The following GCAT variants were observed in gnomAD, a reference collection of about 807,000 sequenced individuals.
GCAT encodes glycine C-acetyltransferase, also known as 2-amino-3-ketobutyrate coenzyme A ligase, mitochondrial.
Under a neutral mutation model 39.7 loss-of-function variants are expected in GCAT, and 26 were observed. The ratio of observed to expected loss-of-function variants is 0.65; its 90% CI spans 0.48 to 0.91. GCAT has a LOEUF of 0.91. Among genes scored for constraint, GCAT ranks in the 40% least tolerant of loss-of-function variants. The pLI is 0.00. For synonymous variants in GCAT, 218 were observed against 237.2 expected (o/e 0.92, Z 0.74); for missense variants, 550 against 576.2 (o/e 0.95, Z 0.47).
intron 1 of GCAT, 129 bp downstream of exon 1, chr22:37,808,292 C>CT (rs1921199242): frequency 1.5e-6 from 1 of 684,470 alleles, no homozygotes. Flanking sequence ...CTCAGGGCGA[C>CT]TTTATGGCTT....
chr22:37,809,939 A>G (rs1389869078), intron 1 of GCAT, 88 bp from the exon 2 acceptor site: 7 of 1,559,052 alleles, frequency 4.5e-6, no homozygotes, highest in Non-Finnish European at 6.1e-6. Context: ...TTTCTGGACC[A>G]TTTCCCCAGG....
rs777361258 is a variant in GCAT, at chr22:37,808,162, A to G, written c.195A>G (p.Gly65=). 3 of 1,492,876 alleles carry G rather than the reference A, an allele frequency of 2.0e-6. No individual in the cohort carries two copies. The highest frequency in any genetic ancestry group is 2.0e-4 in the Middle Eastern group (1 of 5,048). 92.5% of individuals were successfully genotyped at this position (1,492,876 alleles called of 1,614,324 possible). ...ACATCCGCGTGGACGGCGTCTCCGGAGGTAACGCTCCGTTCCGGGAGTCGT... is the reference window on the plus strand; with the variant it reads ...ACATCCGCGTGGACGGCGTCTCCGGGGGTAACGCTCCGTTCCGGGAGTCGT... ...GPHIRVDGVS[G]GILNFCANNY... is the part of the protein sequence containing the mutation. Residue 65 remains glycine, a splice_region_variant and synonymous_variant, in exon 1 of 9, where the codon GGA becomes GGG. Coordinates refer to ENST00000248924, the MANE Select transcript of GCAT (RefSeq NM_014291.4).
rs1382231824 is a variant in GCAT, at chr22:37,810,044, G to A, written c.214G>A (p.Ala72Thr). ...CACCTCAGGAATCCTTAACTTCTGT[G>A]CCAACAACTACCTGGGCCTGAGCAG... Reference protein sequence around the residue: ...GVSGGILNFCANNYLGLSSHP... With the variant: ...GVSGGILNFCTNNYLGLSSHP... The change falls in exon 2 of 9, where the codon GCC (alanine) becomes ACC (threonine). Residue 72 changes from alanine to threonine, a missense_variant. Physicochemically the swap from Ala to Thr is moderately conservative, Grantham distance 58. Coordinates refer to ENST00000248924, the MANE Select transcript of GCAT (RefSeq NM_014291.4). 6.2e-7 allele frequency: 1 copy of A among 1,613,914 alleles called. No individual in the cohort carries two copies. The highest frequency in any genetic ancestry group is 1.3e-5 in the African/African-American group (1 of 74,902).
rs1349085476 is a variant in GCAT, at chr22:37,812,905, G to A, written c.346G>A (p.Glu116Lys). The change falls in exon 3 of 9, where the codon GAA becomes AAA. Residue 116 changes from glutamate (E) to lysine (K), a missense_variant. Physicochemically the swap from Glu to Lys is moderately conservative, Grantham distance 56. This residue lies in a region of GCAT where 18 missense variants were observed against 43.8 expected (regional missense o/e 0.41). Coordinates refer to ENST00000248924, the MANE Select transcript of GCAT (RefSeq NM_014291.4). The stretch of plus-strand genomic sequence containing the variant: ...TCTTCAGAGCATCCACAAGAATCTA[G>A]AAGCAAAAATAGCCCGCTTCCACCA... ...CGTQSIHKNL[E>K]AKIARFHQRE... The A allele has an allele frequency of 6.2e-7, 1 of 1,612,808 alleles. No homozygotes were observed.
At chr22:37,816,419 G>A (rs941742506) in intron 8 of GCAT, 98 bp downstream of exon 8, 11 of 1,531,482 alleles carry the variant, frequency 7.2e-6, no homozygotes, top group Middle Eastern at 1.8e-4. Flanking sequence ...GCCACGCTGC[G>A]GCCTCTTAGG....
At chr22:37,808,254 C>T in intron 1 of GCAT, 91 bp downstream of exon 1, 2 of 955,176 alleles carry the variant, frequency 2.1e-6, no homozygotes, top group African/African-American at 1.7e-5. Flanking sequence ...GGCTCCTACA[C>T]TCTTAGCTAC....
At chr22:37,816,021 C>A in intron 7 of GCAT, 179 bp from the exon 8 acceptor site, 1 of 446,802 alleles carries the variant, frequency 2.2e-6, no homozygotes, top group Non-Finnish European at 3.0e-6. Flanking sequence ...CCTGTCTTTC[C>A]ACCTCCCTTG....
At chr22:37,814,102 G>T (rs928417428) in intron 4 of GCAT, among the ~76,000 whole-genome samples, 1 of 151,994 alleles carries the variant, frequency 6.6e-6, no homozygotes, top group Non-Finnish European at 1.5e-5. Flanking sequence ...GGTGCCTTGA[G>T]GTTTTTCCCT....
downstream of GCAT, chr22:37,816,996 T>C: frequency 2.3e-5 from 9 of 385,182 alleles, no homozygotes; most frequent in East Asian, 4.7e-5. Context: ...GCCTGAGGAC[T>C]GCAGATCTCC....
chr22:37,808,007 G>A lies in GCAT; in HGVS notation c.40G>A (p.Val14Met). The A allele has an allele frequency of 6.5e-7, 1 of 1,544,316 alleles. No homozygotes were observed. ...GNAWRAALFW[V>M]PRGRRAQSAL... Reference sequence around the variant, plus strand: ...CGCCTGGCGCGCCGCACTCTTCTGGGTGCCCCGCGGCCGCCGCGCACAGTC... The same window carrying A: ...CGCCTGGCGCGCCGCACTCTTCTGGATGCCCCGCGGCCGCCGCGCACAGTC... The change falls in exon 1 of 9, where the codon GTG becomes ATG. Residue 14 changes from valine to methionine, a missense_variant. Transcript: ENST00000248924.
At chr22:37,809,410 C>T (rs1174693864) in intron 1 of GCAT, among the ~76,000 whole-genome samples, 1 of 152,172 alleles carries the variant, frequency 6.6e-6, no homozygotes, top group South Asian at 2.1e-4. Context: ...ATCCAGCCCT[C>T]TTCTTTAACC....
chr22:37,810,468 C>T (rs557204220), intron 2 of GCAT, among the ~76,000 whole-genome samples: 15 of 151,838 alleles, frequency 9.9e-5, no homozygotes, highest in African/African-American at 3.6e-4. Context: ...ATGCCTCAGC[C>T]TCCTGAGTAG....
chr22:37,809,704 C>T (rs1921356119), intron 1 of GCAT, among the ~76,000 whole-genome samples: 1 of 151,962 alleles, frequency 6.6e-6, no homozygotes, highest in South Asian at 2.1e-4. Flanking sequence ...ACCTGTAGTC[C>T]CAGCTACTCA....
At chr22:37,815,013 C>T in intron 4 of GCAT, 113 bp from the exon 5 acceptor site, 2 of 1,020,332 alleles carry the variant, frequency 2.0e-6, no homozygotes, top group South Asian at 1.4e-5. Context: ...TCTGTGCCCA[C>T]CTCTGTGCTG....
intron 3 of GCAT, 191 bp from the exon 4 acceptor site, chr22:37,813,272 A>C (rs1197265617): frequency 4.1e-6 from 3 of 723,836 alleles, no homozygotes; most frequent in East Asian, 5.4e-5. Context: ...ACCTCCTCTT[A>C]CTAGAGCAGG....
intron 7 of GCAT, 54 bp from the exon 8 acceptor site, chr22:37,816,146 C>CGG: frequency 6.3e-7 from 1 of 1,590,718 alleles, no homozygotes; most frequent in Non-Finnish European, 8.6e-7. Flanking sequence ...CTGCAAGGAG[C>CGG]GGGTGTGAAT....
chr22:37,810,751 G>A (rs1409628424), intron 2 of GCAT, among the ~76,000 whole-genome samples: 4 of 151,964 alleles, frequency 2.6e-5, no homozygotes, highest in Admixed American at 1.3e-4. Context: ...TCCTGACCTC[G>A]TGATCCACCC....
In GCAT at chr22:37,816,220, C is replaced by G; in HGVS notation, c.1007C>G (p.Ala336Gly). 4 of 1,613,556 alleles carry G rather than the reference C, an allele frequency of 2.5e-6. No homozygotes were observed. Among genetic ancestry groups the G allele is most frequent in the Non-Finnish European group, 3.4e-6 (4 of 1,179,972 alleles). The part of the protein sequence containing the change: ...KTQRFRSKME[A>G]AGFTISGASH... ...CACAGGTTCCGTAGTAAGATGGAAG[C>G]TGCTGGCTTCACTATCTCGGGAGCC... The change falls in exon 8 of 9, where the codon GCT (alanine) becomes GGT (glycine). Residue 336 changes from alanine to glycine, a missense_variant. By Grantham distance (60) the Ala-to-Gly change is moderately conservative (BLOSUM62 0). Coordinates refer to ENST00000248924, the MANE Select transcript of GCAT (RefSeq NM_014291.4).
In GCAT at chr22:37,810,239, T is replaced by C. The variant is rs555034932; in HGVS notation, c.327+82T>C. 1.2e-4 allele frequency: 128 copies of C among 1,034,300 alleles called. No individual in the cohort carries two copies. In the East Asian group the frequency reaches 2.9e-3, roughly 24 times the overall value. 64.1% of individuals were successfully genotyped at this position (1,034,300 alleles called of 1,614,324 possible). A position where few individuals can be genotyped will look rare whatever the true frequency, so the allele number is the denominator to read the frequency against. On this transcript the variant is annotated intron_variant, in intron 2 of 8. Transcript: ENST00000248924. The stretch of plus-strand genomic sequence containing the variant: ...AGTCAGCAAGGCTGGTTTAGCCAGC[T>C]CAGCTCAGCCACAGCCCTGGGCCTA...
Sources: gnomAD v4.1 joint callset for allele counts (sites outside exome capture counted in the v4.1 genomes callset) on GRCh38, gnomAD v4.1.1 for gene constraint, gnomAD v4.1.1 regional missense constraint, MANE v1.5 for transcripts, NCBI Gene and HGNC (gene_info 2026-07-23, HGNC 2026-07-21) for gene names.